ZMYND8: variants seen among roughly 807,000 people sequenced by gnomAD.
ZMYND8 encodes the protein MYND-type zinc finger-containing chromatin reader ZMYND8.
ZMYND8 carries 37 observed loss-of-function variants against 140.8 expected under a neutral mutation model. The ratio of observed to expected loss-of-function variants is 0.26; its 90% CI spans 0.20 to 0.35. ZMYND8 has a LOEUF of 0.35. Ranked by LOEUF, ZMYND8 falls within the 10% of genes least tolerant of loss-of-function variation. ZMYND8 has a pLI of 1.00. For synonymous variants in ZMYND8, 592 were observed against 597.1 expected (o/e 0.99, Z 0.12); for missense variants, 1,068 against 1,570.0 (o/e 0.68, Z 5.40).
chr20:47,258,035 T>G (rs1239008446), intron 12 of ZMYND8, among the ~76,000 whole-genome samples: 2 of 152,226 alleles, frequency 1.3e-5, no homozygotes, highest in African/African-American at 4.8e-5. Context: ...TTTTTGTTTT[T>G]AATGAAATTG....
chr20:47,356,327 G>GGGAAAGAAAAAAAAAAAAAGAA, intron 1 of ZMYND8: 1 of 1,396,542 alleles, frequency 7.2e-7, no homozygotes, highest in Non-Finnish European at 9.4e-7. Flanking sequence ...AGAGGGAAGA[G>GGGAAAGAAAAAAAAAAAAAGAA]GGAAAGAAAA....
chr20:47,220,246 G>C lies in ZMYND8; in HGVS notation c.3484+12C>G, dbSNP rs1317360569. 6.4e-7 allele frequency: 1 copy of C among 1,556,654 alleles called. No homozygotes were observed. The highest frequency in any genetic ancestry group is 2.4e-5 in the East Asian group (1 of 41,492). Reference sequence around the variant, plus strand: ...TGTGAAAGCACCGTTCGCCCACCAGGGGGCAACATACCAGAGCCTTGGTTG... The same window carrying C: ...TGTGAAAGCACCGTTCGCCCACCAGCGGGCAACATACCAGAGCCTTGGTTG... On this transcript the variant is annotated intron_variant, in intron 21 of 22. Coordinates refer to ENST00000471951, the MANE Select transcript of ZMYND8 (RefSeq NM_001281775.3).
intron 11 of ZMYND8, among the ~76,000 whole-genome samples, chr20:47,267,495 GC>G (rs201469205): frequency 0.33 from 38,594 of 116,012 alleles, 5,260 homozygotes; most frequent in Middle Eastern, 0.39. Context: ...CAGGGCCGGG[GC>G]GGGGGGGGGG....
chr20:47,318,411 C>G, intron 2 of ZMYND8: 1 of 332,492 alleles, frequency 3.0e-6, no homozygotes, highest in Non-Finnish European at 5.8e-6. Flanking sequence ...GGTACCCAAA[C>G]AGGCCTCCCT....
chr20:47,246,554 C>A, intron 13 of ZMYND8, 37 bp from the exon 14 acceptor site: 1 of 1,532,424 alleles, frequency 6.5e-7, no homozygotes, highest in Non-Finnish European at 8.7e-7. Flanking sequence ...GTGGCGTAGT[C>A]ACAAAATAAA....
chr20:47,343,042 G>A (rs1035447362), intron 2 of ZMYND8, among the ~76,000 whole-genome samples: 2 of 152,120 alleles, frequency 1.3e-5, no homozygotes, highest in Admixed American at 1.3e-4. Context: ...CACTTTGGGA[G>A]GCCAAAGTGG....
At chr20:47,311,924 C>T (rs1185739574) in intron 2 of ZMYND8, among the ~76,000 whole-genome samples, 1 of 152,130 alleles carries the variant, frequency 6.6e-6, no homozygotes, top group Non-Finnish European at 1.5e-5. Flanking sequence ...ACCATCCATT[C>T]AATCTTCACC....
At chr20:47,234,306 C>T (rs1048022267) in intron 16 of ZMYND8, among the ~76,000 whole-genome samples, 2 of 152,252 alleles carry the variant, frequency 1.3e-5, no homozygotes, top group African/African-American at 4.8e-5. Flanking sequence ...ACCTCAGCCT[C>T]CCAAAGTGCT....
intron 19 of ZMYND8, among the ~76,000 whole-genome samples, chr20:47,222,306 C>T (rs6122567): frequency 0.021 from 3,211 of 152,198 alleles, 128 homozygotes; most frequent in East Asian, 0.17. Flanking sequence ...GAGGCTGAGG[C>T]GGGCAGATCA....
At chr20:47,253,099 T>C (rs920465665) in intron 12 of ZMYND8, among the ~76,000 whole-genome samples, 2 of 152,244 alleles carry the variant, frequency 1.3e-5, no homozygotes, top group African/African-American at 4.8e-5. Flanking sequence ...ATCTGCCATC[T>C]TCTATACTAG....
chr20:47,254,537 C>T (rs1204313122), intron 12 of ZMYND8, among the ~76,000 whole-genome samples: 1 of 152,138 alleles, frequency 6.6e-6, no homozygotes, highest in Admixed American at 6.5e-5. Flanking sequence ...GAAATGAAGG[C>T]CGATTTCTGT....
At chr20:47,328,019 C>G (rs2080595742) in intron 2 of ZMYND8, among the ~76,000 whole-genome samples, 1 of 151,966 alleles carries the variant, frequency 6.6e-6, no homozygotes, top group South Asian at 2.1e-4. Context: ...ACTATGTTGC[C>G]CAGGCTGGTC....
At chr20:47,222,118 C>A (rs998498285) in intron 19 of ZMYND8, among the ~76,000 whole-genome samples, 2 of 152,142 alleles carry the variant, frequency 1.3e-5, no homozygotes, top group Non-Finnish European at 2.9e-5. Context: ...AGGTGGAGAC[C>A]TATATTTTTA....
At chr20:47,327,724 C>T (rs1374602423) in intron 2 of ZMYND8, among the ~76,000 whole-genome samples, 1 of 152,216 alleles carries the variant, frequency 6.6e-6, no homozygotes. Context: ...AATCCTCCCG[C>T]CTGCCCACTT....
At chr20:47,290,583 G>GTTTTTTTTTTTTTTTTT (rs71183240) in intron 6 of ZMYND8, among the ~76,000 whole-genome samples, 2 of 64,078 alleles carry the variant, frequency 3.1e-5, no homozygotes, top group Non-Finnish European at 5.4e-5. Context: ...TATTTATTTA[G>GTTTTTTTTTTTTTTTTT]TTTTTTTTTT....
intron 12 of ZMYND8, among the ~76,000 whole-genome samples, chr20:47,256,675 C>A (rs2074756874): frequency 1.3e-5 from 2 of 152,162 alleles, no homozygotes; most frequent in African/African-American, 2.4e-5. Flanking sequence ...AAACAGAGAT[C>A]TTCCCCACCT....
chr20:47,216,816 A>T (rs534885539), intron 21 of ZMYND8, among the ~76,000 whole-genome samples: 5 of 152,262 alleles, frequency 3.3e-5, no homozygotes, highest in Admixed American at 6.5e-5. Context: ...TCAAAAAAGT[A>T]GAATAAAAAA....
intron 12 of ZMYND8, among the ~76,000 whole-genome samples, chr20:47,252,086 G>A (rs1481997771): frequency 1.3e-5 from 2 of 152,050 alleles, no homozygotes; most frequent in South Asian, 4.2e-4. Flanking sequence ...TTGAGGTCGG[G>A]GGTTCAAGAT....
rs2039527652 is a variant in ZMYND8 at position 47,238,500 on chromosome 20, T to C, written c.2665+258A>G. ...GGGATAACAGACTTTTATGTAAAAC[T>C]TTCTGCCCCCTTTTTAAGGAGAATA... On this transcript the variant is annotated intron_variant, in intron 15 of 22. Transcript: ENST00000471951. 8 of 590,222 alleles carry C rather than the reference T, an allele frequency of 1.4e-5. No homozygotes were observed. The South Asian group carries it at 1.4e-4, about 10-fold the overall frequency. 36.6% of individuals were successfully genotyped at this position (590,222 alleles called of 1,614,324 possible).
Sources: gnomAD v4.1 joint callset for allele counts (sites outside exome capture counted in the v4.1 genomes callset) on GRCh38, gnomAD v4.1.1 for gene constraint, MANE v1.5 for transcripts, NCBI Gene and HGNC (gene_info 2026-07-23, HGNC 2026-07-21) for gene names.